AUTS2: variants seen among roughly 807,000 people sequenced by gnomAD.
AUTS2 encodes autism susceptibility gene 2 protein.
A neutral mutation model predicts 112.4 loss-of-function variants in AUTS2; 17 were observed. That is an observed-to-expected ratio of 0.15 (90% CI 0.10 to 0.23). The LOEUF is 0.23. Ranked by LOEUF, AUTS2 falls within the 10% of genes least tolerant of loss-of-function variation. AUTS2 has a pLI of 1.00. For missense variants in AUTS2, 1,510 were observed against 1,701.6 expected (o/e 0.89, Z 1.98); for synonymous variants, 751 against 702.7 (o/e 1.07, Z -1.09).
intron 11 of AUTS2, 126 bp from the exon 12 acceptor site, chr7:70,773,902 C>G: frequency 2.3e-6 from 2 of 864,396 alleles, no homozygotes; most frequent in Non-Finnish European, 3.7e-6. Context: ...AAAAATGAAT[C>G]TTGCGTTTCA....
chr7:70,622,746 G>T (rs2866717), intron 5 of AUTS2, among the ~76,000 whole-genome samples: 2 of 152,188 alleles, frequency 1.3e-5, no homozygotes, highest in Admixed American at 6.5e-5. Context: ...AGGGAAAAAT[G>T]GATCCAGAAC....
intron 1 of AUTS2, among the ~76,000 whole-genome samples, chr7:69,809,136 G>A (rs1479187862): frequency 3.3e-5 from 5 of 151,782 alleles, no homozygotes; most frequent in South Asian, 2.1e-4. Context: ...GTACAGTGGC[G>A]CGATCTCGGC....
At chr7:70,441,023 T>A (rs1289969054) in intron 5 of AUTS2, among the ~76,000 whole-genome samples, 2 of 152,240 alleles carry the variant, frequency 1.3e-5, no homozygotes, top group Non-Finnish European at 2.9e-5. Flanking sequence ...AAATTTTGAC[T>A]GCTTAGGAGA....
chr7:70,296,135 C>T (rs961381465), intron 4 of AUTS2, among the ~76,000 whole-genome samples: 3 of 152,226 alleles, frequency 2.0e-5, no homozygotes, highest in African/African-American at 7.2e-5. Context: ...GGATCTTCCT[C>T]ATACTTCCCA....
intron 4 of AUTS2, among the ~76,000 whole-genome samples, chr7:70,331,963 G>A (rs1002179161): frequency 2.6e-5 from 4 of 152,142 alleles, no homozygotes; most frequent in African/African-American, 7.2e-5. Context: ...GTTCTGGCTA[G>A]GCAGTCAGGC....
At chr7:69,845,690 G>A (rs6959561) in intron 1 of AUTS2, among the ~76,000 whole-genome samples, 3,148 of 152,270 alleles carry the variant, frequency 0.021, 106 homozygotes, top group African/African-American at 0.069. Context: ...GTTCTCTAAA[G>A]CTGTGCTGGT....
At chr7:70,062,452 G>A (rs932252087) in intron 2 of AUTS2, among the ~76,000 whole-genome samples, 1 of 150,946 alleles carries the variant, frequency 6.6e-6, no homozygotes, top group East Asian at 2.0e-4. Flanking sequence ...GGCAGAGGTT[G>A]CAGTGAGCCA....
chr7:70,023,830 A>T (rs1800394113), intron 2 of AUTS2, among the ~76,000 whole-genome samples: 1 of 152,170 alleles, frequency 6.6e-6, no homozygotes, highest in South Asian at 2.1e-4. Flanking sequence ...TGTGCAATTA[A>T]ATGGTTGTTG....
At chr7:70,615,320 G>T (rs1283224126) in intron 5 of AUTS2, among the ~76,000 whole-genome samples, 1 of 152,148 alleles carries the variant, frequency 6.6e-6, no homozygotes, top group Non-Finnish European at 1.5e-5. Context: ...AAAAGAAGCG[G>T]CTGGTCTTTG....
At chr7:70,528,101 T>TA (rs1554421869) in intron 5 of AUTS2, among the ~76,000 whole-genome samples, 3,821 of 104,056 alleles carry the variant, frequency 0.037, 213 homozygotes, top group African/African-American at 0.14. Flanking sequence ...GGATTTTTTT[T>TA]TTTTTTTTTT....
chr7:70,682,062 C>T (rs577237536), intron 5 of AUTS2, among the ~76,000 whole-genome samples: 56 of 152,288 alleles, frequency 3.7e-4, no homozygotes, highest in African/African-American at 1.2e-3. Context: ...TGAGGCAGAC[C>T]TCTAAGATCC....
At chr7:70,223,144 C>T (rs1425730841) in intron 4 of AUTS2, among the ~76,000 whole-genome samples, 2 of 152,094 alleles carry the variant, frequency 1.3e-5, no homozygotes, top group African/African-American at 4.8e-5. Context: ...GCCTTGGCCT[C>T]CCAAAGTGCT....
At chr7:70,267,550 A>C (rs563295379) in intron 4 of AUTS2, among the ~76,000 whole-genome samples, 166 of 152,260 alleles carry the variant, frequency 1.1e-3, no homozygotes, top group Middle Eastern at 3.4e-3. Flanking sequence ...CTGGGCTGAG[A>C]GGGGGACAGA....
Position 70,626,186 on chromosome 7 carries a change from T to C in AUTS2, c.691-72383T>C, listed in dbSNP as rs556202221. ...CCTCGGCCTCCCAAAGTGCTGGGAT[T>C]ACAGGCGTGAGCCACCATGCCTGCT... On this transcript the variant is annotated intron_variant, in intron 5 of 18. Coordinates refer to ENST00000342771, the MANE Select transcript of AUTS2 (RefSeq NM_015570.4). Among the ~76,000 whole-genome samples the C allele has an allele frequency of 7.3e-4, 111 of 151,796 alleles. 2 individuals are homozygous for C. The highest frequency in any genetic ancestry group is 6.7e-3 in the Admixed American group (102 of 15,260).
intron 1 of AUTS2, among the ~76,000 whole-genome samples, chr7:69,612,942 G>T (rs1233178622): frequency 2.0e-5 from 3 of 152,168 alleles, no homozygotes; most frequent in South Asian, 2.1e-4. Context: ...TCCATGAAAA[G>T]AAATTTTTGA....
chr7:69,626,425 A>C (rs1402270093), intron 1 of AUTS2, among the ~76,000 whole-genome samples: 1 of 152,068 alleles, frequency 6.6e-6, no homozygotes, highest in Non-Finnish European at 1.5e-5. Context: ...ACAGTTTAGC[A>C]GTAATGTCAT....
At chr7:70,363,959 C>G (rs1792412494) in intron 4 of AUTS2, among the ~76,000 whole-genome samples, 1 of 152,168 alleles carries the variant, frequency 6.6e-6, no homozygotes, top group African/African-American at 2.4e-5. Flanking sequence ...GCAAACTACT[C>G]AGAGCCAGAG....
intron 2 of AUTS2, among the ~76,000 whole-genome samples, chr7:70,065,813 C>T (rs987969187): frequency 2.6e-5 from 4 of 152,154 alleles, no homozygotes; most frequent in African/African-American, 9.7e-5. Flanking sequence ...TCAGGGAATC[C>T]TCCCACCTCA....
At chr7:70,494,187 CAGG>C (rs1270955512) in intron 5 of AUTS2, among the ~76,000 whole-genome samples, 3 of 152,142 alleles carry the variant, frequency 2.0e-5, no homozygotes, top group Admixed American at 1.3e-4. Flanking sequence ...AGTTGAGAAG[CAGG>C]AGAAGTCATT....
Sources: gnomAD v4.1 joint callset for allele counts (sites outside exome capture counted in the v4.1 genomes callset) on GRCh38, gnomAD v4.1.1 for gene constraint, MANE v1.5 for transcripts, NCBI Gene and HGNC (gene_info 2026-07-23, HGNC 2026-07-21) for gene names.